The following MYH11 variants were observed in gnomAD, a reference collection of about 807,000 sequenced individuals.
MYH11 encodes the protein myosin heavy chain 11.
Under a neutral mutation model 246.6 loss-of-function variants are expected in MYH11, and 80 were observed. That is an observed-to-expected ratio of 0.32 (90% confidence interval 0.27 to 0.39). MYH11 has a LOEUF of 0.39. MYH11 is among the 10% of genes least tolerant of loss of function. MYH11 has a pLI of 1.00. For missense variants in MYH11, 2,158 were observed against 2,546.8 expected, an observed-to-expected ratio of 0.85 and a Z score of 3.29; for synonymous variants, 1,071 against 1,015.5, an observed-to-expected ratio of 1.05 and a Z score of -1.04.
intron 38 of MYH11, 102 bp from the exon 39 acceptor site, chr16:15,715,374 G>T: frequency 1.0e-6 from 1 of 1,003,076 alleles, no homozygotes; most frequent in Non-Finnish European, 1.6e-6. Context: ...CCTGAGCCCC[G>T]TATCTGGACT....
intron 31 of MYH11, among the ~76,000 whole-genome samples, chr16:15,722,499 A>C (rs1259804857): frequency 6.6e-6 from 1 of 152,248 alleles, no homozygotes; most frequent in Non-Finnish European, 1.5e-5. Context: ...TGGCACAGTC[A>C]ACACAAAAAT....
At chr16:15,712,446 A>G (rs537375900) in intron 40 of MYH11, among the ~76,000 whole-genome samples, 1 of 151,986 alleles carries the variant, frequency 6.6e-6, no homozygotes, top group South Asian at 2.1e-4. Flanking sequence ...TCAGGAGTTC[A>G]AGACCAGCCT....
intron 20 of MYH11, chr16:15,742,125 C>T (rs979666968): frequency 1.3e-5 from 8 of 623,172 alleles, no homozygotes; most frequent in African/African-American, 1.3e-4. Context: ...AGGACAGCCC[C>T]CACAACAGAA....
In MYH11 at chr16:15,776,094, G is replaced by A; in HGVS notation, c.873C>T (p.Ala291=). ...GTCACTTACTTCTCATCTTCTCCTT[G>A]GCTCCAGCAATCATGTAGTAAAAGA... The part of the protein sequence containing the change: ...FHIFYYMIAG[A]KEKMRSDLLL... Residue 291 remains alanine, a synonymous_variant, in exon 8 of 41, where the codon GCC becomes GCT. Transcript: ENST00000300036. The A allele has an allele frequency of 1.2e-6, 2 of 1,612,836 alleles. No homozygotes were observed. Among genetic ancestry groups the A allele is most frequent in the Non-Finnish European group, 1.7e-6 (2 of 1,178,862 alleles).
rs75854968 is a variant in MYH11 at position 15,732,809 on chromosome 16, G to A, written c.3507-101C>T. The A allele has an allele frequency of 1.7e-3, 2,422 of 1,406,912 alleles. 35 individuals carry two copies. The African/African-American group carries it at 0.031, about 18-fold the overall frequency. 87.2% of individuals were successfully genotyped at this position (1,406,912 alleles called of 1,614,324 possible). A position where few individuals can be genotyped will look rare whatever the true frequency, so the allele number is the denominator to read the frequency against. On this transcript the variant is annotated intron_variant, in intron 26 of 40. Transcript: ENST00000300036. Reference sequence around the variant, plus strand: ...AGCTCTTCCAGGACCCAGAGCTGCAGTCCTCATCACCACCCCTCTCTAGCT... The same window carrying A: ...AGCTCTTCCAGGACCCAGAGCTGCAATCCTCATCACCACCCCTCTCTAGCT...
chr16:15,720,340 C>T (rs1454627420), intron 33 of MYH11, 28 bp from the exon 34 acceptor site: 1 of 1,606,486 alleles, frequency 6.2e-7, no homozygotes, highest in South Asian at 1.1e-5. Context: ...ATGTGTGCTG[C>T]CCCACTTGCC....
In MYH11 at chr16:15,845,724, A is replaced by AGAG. The variant is rs35884441; in HGVS notation, c.-17-7456_-17-7455insCTC. ...TGTGTGTGTGAGAGAGAGAGAGAGAAAAAGAAGGAGAGAGAGAGAGAGAAA... is the reference window on the plus strand; with the variant it reads ...TGTGTGTGTGAGAGAGAGAGAGAGAAGAGAAAGAAGGAGAGAGAGAGAGAGAAA... On this transcript the variant is annotated intron_variant, in intron 1 of 40. Transcript: ENST00000300036. Among the ~76,000 whole-genome samples the AGAG allele has an allele frequency of 2.6e-5, 4 of 151,528 alleles. No homozygotes were observed. In the East Asian group the frequency reaches 5.9e-4, roughly 22 times the overall value.
chr16:15,794,242 G>A (rs572301278), intron 4 of MYH11, among the ~76,000 whole-genome samples: 4 of 152,276 alleles, frequency 2.6e-5, no homozygotes, highest in South Asian at 2.1e-4. Context: ...CACAGTGCGC[G>A]GCCAATTTTC....
rs988154531 is a variant in MYH11 at position 15,719,642 on chromosome 16, G to C, written c.5025C>G (p.Ala1675=). The change falls in exon 35 of 41, where the codon GCC becomes GCG. Residue 1675 remains alanine (A), a synonymous_variant. Transcript: ENST00000300036. ...RASRDEIFAT[A]KENEKKAKSL... ...TCTTGGCTTTCTTCTCATTCTCTTT[G>C]GCTGTGGCAAAGATCTCATCTCTGG... is the stretch of plus-strand genomic sequence containing the variant. 1 of 1,614,030 alleles carries C rather than the reference G, an allele frequency of 6.2e-7. No homozygotes were observed. The highest frequency in any genetic ancestry group is 1.3e-5 in the African/African-American group (1 of 74,916).
chr16:15,802,175 A>C (rs1334968380), intron 3 of MYH11, among the ~76,000 whole-genome samples: 1 of 152,196 alleles, frequency 6.6e-6, no homozygotes, highest in Non-Finnish European at 1.5e-5. Context: ...AAGCTAAAAA[A>C]AGACAGAAAA....
chr16:15,719,127 C>G, intron 36 of MYH11, 93 bp downstream of exon 36: 25 of 1,312,666 alleles, frequency 1.9e-5, no homozygotes, highest in Admixed American at 5.6e-5. Context: ...AACTCTGTCT[C>G]GAAAAAATTT....
At chr16:15,755,436 AGTTGGCCCCGCCT>A (rs1443517042) in intron 14 of MYH11, among the ~76,000 whole-genome samples, 2 of 152,150 alleles carry the variant, frequency 1.3e-5, no homozygotes, top group Non-Finnish European at 2.9e-5. Flanking sequence ...ACCCCATTCC[AGTTGGCCCCGCCT>A]GTTGGGTATA....
intron 31 of MYH11, 100 bp downstream of exon 31, chr16:15,724,061 G>A: frequency 3.2e-6 from 5 of 1,584,524 alleles, no homozygotes; most frequent in Non-Finnish European, 4.3e-6. Flanking sequence ...GAGTGGAGAG[G>A]GGATGCAGGC....
At chr16:15,763,741 T>TGGGGGCCCCCCCC in intron 10 of MYH11, 55 bp downstream of exon 10, 3 of 646,846 alleles carry the variant, frequency 4.6e-6, no homozygotes, top group African/African-American at 4.3e-5. Flanking sequence ...AAATGTCACC[T>TGGGGGCCCCCCCC]CCCCCACCCC....
chr16:15,708,223 A>G (rs2039571806), intron 40 of MYH11, among the ~76,000 whole-genome samples: 1 of 152,168 alleles, frequency 6.6e-6, no homozygotes, highest in Admixed American at 6.6e-5. Context: ...TTTGTCAGAC[A>G]TCGCAGTGAG....
chr16:15,723,461 A>G (rs182364830), intron 31 of MYH11, among the ~76,000 whole-genome samples: 2 of 152,330 alleles, frequency 1.3e-5, no homozygotes, highest in African/African-American at 4.8e-5. Context: ...AGCCTGGACA[A>G]CATGGCAAAA....
intron 4 of MYH11, among the ~76,000 whole-genome samples, chr16:15,797,897 C>T (rs2042783086): frequency 1.3e-5 from 2 of 151,820 alleles, no homozygotes; most frequent in Admixed American, 6.6e-5. Context: ...AGTTATTTTG[C>T]AGTTTAAAAT....
chr16:15,708,409 C>T (rs2039584520), intron 40 of MYH11, among the ~76,000 whole-genome samples: 1 of 152,188 alleles, frequency 6.6e-6, no homozygotes, highest in African/African-American at 2.4e-5. Context: ...TCATTCAGTG[C>T]AGTGTCTTCA....
At chr16:15,829,078 G>A (rs2151371162) in intron 2 of MYH11, among the ~76,000 whole-genome samples, 1 of 151,884 alleles carries the variant, frequency 6.6e-6, no homozygotes. Context: ...CAGCTACTCA[G>A]GAGTCTGAGG....
Sources: gnomAD v4.1 joint callset for allele counts (sites outside exome capture counted in the v4.1 genomes callset) on GRCh38, gnomAD v4.1.1 for gene constraint, MANE v1.5 for transcripts, NCBI Gene and HGNC (gene_info 2026-07-23, HGNC 2026-07-21) for gene names.